FHIT: variants seen among roughly 807,000 people sequenced by gnomAD.
The protein encoded by FHIT is fragile histidine triad diadenosine triphosphatase, also known as bis(5'-adenosyl)-triphosphatase.
FHIT carries 19 observed loss-of-function variants against 17.9 expected under a neutral mutation model. The ratio of observed to expected loss-of-function variants is 1.06; its 90% CI spans 0.74 to 1.56. The LOEUF is 1.56. FHIT is among the 40% of genes most tolerant of loss of function. The pLI is 0.00. For synonymous variants in FHIT, 81 were observed against 69.7 expected (o/e 1.16, Z -0.81); for missense variants, 248 against 189.2 (o/e 1.31, Z -1.82).
intron 5 of FHIT, among the ~76,000 whole-genome samples, chr3:60,103,547 A>T (rs1340023470): frequency 2.0e-5 from 3 of 152,178 alleles, no homozygotes; most frequent in Admixed American, 6.5e-5. Context: ...TATGAATGTA[A>T]AACAAGTAGA....
chr3:60,502,541 G>A lies in FHIT; in HGVS notation c.103+34319C>T, dbSNP rs568759478. On this transcript the variant is annotated intron_variant, in intron 5 of 9. Coordinates refer to ENST00000492590, the MANE Select transcript of FHIT (RefSeq NM_002012.4). ...CCAAGGATCCTGCAAAGTTCTAGAGGACAGAGTGTCAGCAACTCCCCCAGT... is the reference window on the plus strand; with the variant it reads ...CCAAGGATCCTGCAAAGTTCTAGAGAACAGAGTGTCAGCAACTCCCCCAGT... Among the ~76,000 whole-genome samples the A allele has an allele frequency of 3.3e-5, 5 of 152,280 alleles. No individual in the cohort carries two copies. The South Asian group carries it at 6.2e-4, about 19-fold the overall frequency.
chr3:60,301,273 AG>A (rs1708449982), intron 5 of FHIT, among the ~76,000 whole-genome samples: 1 of 152,266 alleles, frequency 6.6e-6, no homozygotes. Context: ...TCAAGGGAAA[AG>A]CTGGACATAT....
At chr3:60,116,701 C>G (rs1704977726) in intron 5 of FHIT, among the ~76,000 whole-genome samples, 2 of 152,164 alleles carry the variant, frequency 1.3e-5, no homozygotes, top group South Asian at 2.1e-4. Flanking sequence ...TAAAGCAATT[C>G]CAAGGATCAA....
At chr3:59,996,153 C>A (rs1357527507) in intron 7 of FHIT, among the ~76,000 whole-genome samples, 5 of 152,086 alleles carry the variant, frequency 3.3e-5, no homozygotes, top group African/African-American at 1.2e-4. Context: ...CCCATTCGTG[C>A]TCTTATTTAA....
intron 5 of FHIT, among the ~76,000 whole-genome samples, chr3:60,140,529 G>A (rs925903642): frequency 2.6e-5 from 4 of 151,800 alleles, no homozygotes; most frequent in African/African-American, 9.7e-5. Flanking sequence ...TCCAAAGAAG[G>A]CAACATGGAG....
chr3:60,327,319 C>G (rs560909609), intron 5 of FHIT, among the ~76,000 whole-genome samples: 32 of 152,308 alleles, frequency 2.1e-4, no homozygotes, highest in African/African-American at 7.7e-4. Flanking sequence ...AGCATCTAGT[C>G]CAAGGGTCTG....
chr3:60,203,575 T>C (rs766788302), intron 5 of FHIT, among the ~76,000 whole-genome samples: 16 of 152,352 alleles, frequency 1.1e-4, no homozygotes, highest in East Asian at 5.8e-4. Flanking sequence ...GATGTGTCTG[T>C]GTCTCCAGAT....
intron 7 of FHIT, 125 bp downstream of exon 7, chr3:60,011,246 A>G: frequency 1.2e-6 from 1 of 831,994 alleles, no homozygotes; most frequent in Non-Finnish European, 2.0e-6. Flanking sequence ...TCTAACACTG[A>G]GGGTCTCTCT....
At chr3:60,649,238 A>C (rs1047983667) in intron 4 of FHIT, among the ~76,000 whole-genome samples, 12 of 152,152 alleles carry the variant, frequency 7.9e-5, no homozygotes, top group Non-Finnish European at 1.6e-4. Flanking sequence ...TCTACTAAAA[A>C]TACAAAAAGA....
At chr3:59,964,016 C>A (rs1454113580) in intron 7 of FHIT, among the ~76,000 whole-genome samples, 1 of 152,104 alleles carries the variant, frequency 6.6e-6, no homozygotes, top group Non-Finnish European at 1.5e-5. Context: ...AAAAACAGAA[C>A]AAATGTGGTC....
chr3:60,202,657 A>C (rs1255225465), intron 5 of FHIT, among the ~76,000 whole-genome samples: 2 of 152,062 alleles, frequency 1.3e-5, no homozygotes, highest in Non-Finnish European at 2.9e-5. Context: ...CTTCACAAAT[A>C]CTCATTATTT....
chr3:61,212,457 T>G (rs1232808261), intron 1 of FHIT, among the ~76,000 whole-genome samples: 2 of 151,656 alleles, frequency 1.3e-5, no homozygotes, highest in African/African-American at 2.4e-5. Context: ...AGAGAAAAAA[T>G]AATAAAAAGA....
At chr3:61,206,957 G>C (rs2039257898) in intron 1 of FHIT, among the ~76,000 whole-genome samples, 1 of 152,160 alleles carries the variant, frequency 6.6e-6, no homozygotes. Context: ...CTGTGGGTTT[G>C]TCATAGATAG....
intron 8 of FHIT, among the ~76,000 whole-genome samples, chr3:59,921,987 G>T (rs1253409936): frequency 1.3e-5 from 2 of 152,206 alleles, no homozygotes; most frequent in Non-Finnish European, 1.5e-5. Context: ...TTGACTAAAA[G>T]AATCATATAT....
chr3:59,814,005 G>A (rs1018401909), intron 8 of FHIT, among the ~76,000 whole-genome samples: 7 of 150,058 alleles, frequency 4.7e-5, no homozygotes, highest in Non-Finnish European at 7.4e-5. Flanking sequence ...CTAAAAGGAC[G>A]GATTCATCCG....
chr3:59,771,424 C>G (rs1198674198), intron 8 of FHIT, among the ~76,000 whole-genome samples: 4 of 152,146 alleles, frequency 2.6e-5, no homozygotes, highest in Non-Finnish European at 5.9e-5. Flanking sequence ...TGGAATAGAT[C>G]CAACGGAAAG....
At chr3:60,874,956 C>T (rs1275057145) in intron 3 of FHIT, among the ~76,000 whole-genome samples, 2 of 151,998 alleles carry the variant, frequency 1.3e-5, no homozygotes, top group Non-Finnish European at 2.9e-5. Flanking sequence ...AAAATAAATA[C>T]AATAAGATTT....
chr3:59,918,391 G>A (rs1382292483), intron 8 of FHIT, among the ~76,000 whole-genome samples: 4 of 152,208 alleles, frequency 2.6e-5, no homozygotes, highest in Admixed American at 2.0e-4. Context: ...TAGGTATGGC[G>A]ATATAGTAGA....
Position 60,839,540 on chromosome 3 carries a change from T to C in FHIT, c.-110-17529A>G, listed in dbSNP as rs113327420. On this transcript the variant is annotated intron_variant, in intron 3 of 9. Transcript: ENST00000492590. ...GTCAAAACATTAACATTTCTTAATGTATATTTTGCATTATTTACTAAATGA... is the reference window on the plus strand; with the variant it reads ...GTCAAAACATTAACATTTCTTAATGCATATTTTGCATTATTTACTAAATGA... Among the ~76,000 whole-genome samples, 70 of 152,332 alleles carry C rather than the reference T, an allele frequency of 4.6e-4. 1 individual carries two copies. The highest frequency in any genetic ancestry group is 3.4e-3 in the Middle Eastern group (1 of 294).
Sources: allele counts gnomAD v4.1 joint callset (sites outside exome capture counted in the v4.1 genomes callset), GRCh38; gene constraint gnomAD v4.1.1; transcripts MANE v1.5; gene names NCBI Gene and HGNC (gene_info 2026-07-23, HGNC 2026-07-21).